FRMD6: variants seen among roughly 807,000 people sequenced by gnomAD.
FRMD6 encodes the protein FERM domain-containing protein 6.
A neutral mutation model predicts 73.2 loss-of-function variants in FRMD6; 37 were observed. That is an observed-to-expected ratio of 0.51 (90% CI 0.39 to 0.66). The LOEUF (loss-of-function observed/expected upper bound fraction) is 0.66, where lower values mean the gene tolerates loss of function less well. FRMD6 is among the 30% of genes least tolerant of loss of function. FRMD6 has a pLI of 0.00. For synonymous variants in FRMD6, 273 were observed against 282.2 expected (o/e 0.97, Z 0.33); for missense variants, 714 against 780.5 (o/e 0.91, Z 1.02).
At chr14:51,674,991 C>G (rs934404897) in intron 1 of FRMD6, among the ~76,000 whole-genome samples, 1 of 151,986 alleles carries the variant, frequency 6.6e-6, no homozygotes, top group African/African-American at 2.4e-5. Context: ...ATTGAATTGA[C>G]CTTGGTTTGT....
intron 1 of FRMD6, among the ~76,000 whole-genome samples, chr14:51,555,837 T>G (rs921446397): frequency 1.3e-5 from 2 of 151,724 alleles, no homozygotes; most frequent in African/African-American, 4.8e-5. Flanking sequence ...TGATAAGTAG[T>G]AGTGATACGT....
the FRMD6 span, among the ~76,000 whole-genome samples, chr14:51,473,033 G>A: frequency 1.3e-5 from 2 of 152,290 alleles, no homozygotes; most frequent in East Asian, 3.9e-4. Context: ...GGTATAATGA[G>A]CTCAAGTCTT....
At chr14:51,437,351 G>A in the FRMD6 span, among the ~76,000 whole-genome samples, 1,507 of 152,178 alleles carry the variant, frequency 9.9e-3, 22 homozygotes, top group Middle Eastern at 0.024. Context: ...CGCCCAAGCT[G>A]GAGTGCAGTG....
At chr14:51,480,863 C>T in the FRMD6 span, among the ~76,000 whole-genome samples, 1 of 152,184 alleles carries the variant, frequency 6.6e-6, no homozygotes, top group African/African-American at 2.4e-5. Flanking sequence ...GTAGCTGTAG[C>T]AGTGGTGGCA....
intron 1 of FRMD6, among the ~76,000 whole-genome samples, chr14:51,676,492 AC>A (rs1272750518): frequency 6.6e-6 from 1 of 151,888 alleles, no homozygotes; most frequent in South Asian, 2.1e-4. Context: ...TGGTAGTTAA[AC>A]TCTGCATAGG....
chr14:51,623,047 T>C (rs1223255428), intron 2 of FRMD6, among the ~76,000 whole-genome samples: 8 of 152,146 alleles, frequency 5.3e-5, no homozygotes, highest in Non-Finnish European at 8.8e-5. Flanking sequence ...CATGGCTTCG[T>C]CATTTGTCAT....
At chr14:51,632,100 G>T (rs1364861330) in intron 2 of FRMD6, among the ~76,000 whole-genome samples, 2 of 152,182 alleles carry the variant, frequency 1.3e-5, no homozygotes, top group East Asian at 1.9e-4. Flanking sequence ...GTTCTCAAGA[G>T]ATCTGATGGT....
At chr14:51,524,948 A>G (rs1457877862) in intron 1 of FRMD6, among the ~76,000 whole-genome samples, 1 of 79,178 alleles carries the variant, frequency 1.3e-5, no homozygotes, top group Non-Finnish European at 2.4e-5. Flanking sequence ...GTGCAGAAAG[A>G]TTTTTACTTC....
At chr14:51,562,628 G>T (rs1410669835) in intron 1 of FRMD6, among the ~76,000 whole-genome samples, 1 of 152,104 alleles carries the variant, frequency 6.6e-6, no homozygotes, top group African/African-American at 2.4e-5. Context: ...CTATACAGTG[G>T]CTAAATATCT....
In FRMD6 at chr14:51,661,935, C is replaced by T. The variant is rs190910679; in HGVS notation, c.-147+9939C>T. On this transcript the variant is annotated intron_variant, in intron 1 of 13. Transcript: ENST00000344768. ...CTTTGGAAATGGGAATGTTGGAGGC[C>T]GTGCATATCTTCAGCAGGCTTTGTC... Among the ~76,000 whole-genome samples, 486 of 152,198 alleles carry T rather than the reference C, an allele frequency of 3.2e-3. 1 individual carries two copies. Among genetic ancestry groups the T allele is most frequent in the Non-Finnish European group, 3.6e-3 (248 of 68,012 alleles).
chr14:51,452,911 G>A, the FRMD6 span, among the ~76,000 whole-genome samples: 2 of 152,136 alleles, frequency 1.3e-5, no homozygotes, highest in African/African-American at 2.4e-5. Context: ...TCTCATCATC[G>A]GTAATCTTTG....
chr14:51,400,335 T>C, the FRMD6 span, among the ~76,000 whole-genome samples: 1 of 152,162 alleles, frequency 6.6e-6, no homozygotes, highest in African/African-American at 2.4e-5. Context: ...TTTTTTTAGA[T>C]TCCACATGCA....
At position 51,727,844 on chromosome 14, in the gene FRMD6, T is replaced by C; in HGVS notation, c.1684T>C (p.Cys562Arg). The C allele has an allele frequency of 3.7e-6, 6 of 1,614,216 alleles. No homozygotes were observed. The highest frequency in any genetic ancestry group is 3.3e-5 in the South Asian group (3 of 91,082). The part of the protein sequence containing the change: ...QKDFLRIAGL[C>R]QDTAQSYTFG... ...AGACTTCCTGCGCATTGCAGGTCTGTGTCAGGACACTGCTCAGAGTTACAC... is the reference window on the plus strand; with the variant it reads ...AGACTTCCTGCGCATTGCAGGTCTGCGTCAGGACACTGCTCAGAGTTACAC... Residue 562 changes from cysteine (C) to arginine (R), a missense_variant, in exon 14 of 14, where the codon TGT becomes CGT. By Grantham distance (180) the Cys-to-Arg change is radical. Coordinates refer to ENST00000344768, the MANE Select transcript of FRMD6 (RefSeq NM_001267046.2).
intron 1 of FRMD6, among the ~76,000 whole-genome samples, chr14:51,492,859 G>A (rs558472866): frequency 4.6e-5 from 7 of 152,196 alleles, no homozygotes; most frequent in South Asian, 4.2e-4. Context: ...TGATGGAGGC[G>A]GCATGTAAAT....
chr14:51,498,231 C>T (rs186385662), intron 1 of FRMD6, among the ~76,000 whole-genome samples: 1 of 152,190 alleles, frequency 6.6e-6, no homozygotes, highest in East Asian at 1.9e-4. Context: ...GTATCAGGTA[C>T]AGTTTTTGCT....
At position 51,629,451 on chromosome 14, in the gene FRMD6, A is replaced by G. The variant is rs140075426; in HGVS notation, c.-147+59041A>G. Among the ~76,000 whole-genome samples, 459 of 152,342 alleles carry G rather than the reference A, an allele frequency of 3.0e-3. 1 individual carries two copies. Among genetic ancestry groups the G allele is most frequent in the African/African-American group, 0.01 (435 of 41,578 alleles). ...TTAAGAAACTACCAAATTGTCTTCT[A>G]AAATAAAATATATTTTACATTCCTA... On this transcript the variant is annotated intron_variant, in intron 2 of 14. Transcript: ENST00000356218.
intron 1 of FRMD6, among the ~76,000 whole-genome samples, chr14:51,533,363 A>T (rs2140340022): frequency 6.6e-6 from 1 of 152,310 alleles, no homozygotes; most frequent in South Asian, 2.1e-4. Flanking sequence ...ATTGCCTTTA[A>T]AAAAAGCTGG....
intron 1 of FRMD6, among the ~76,000 whole-genome samples, chr14:51,686,978 T>C (rs1490273225): frequency 6.6e-6 from 1 of 152,164 alleles, no homozygotes; most frequent in Non-Finnish European, 1.5e-5. Context: ...TTTAAGGGCT[T>C]TTCTAGTTTG....
At chr14:51,403,957 G>A in the FRMD6 span, among the ~76,000 whole-genome samples, 1 of 152,084 alleles carries the variant, frequency 6.6e-6, no homozygotes, top group East Asian at 1.9e-4. Flanking sequence ...CAGGACTTGT[G>A]AATCTCCAAA....
Sources: allele counts gnomAD v4.1 joint callset (sites outside exome capture counted in the v4.1 genomes callset), GRCh38; gene constraint gnomAD v4.1.1; transcripts MANE v1.5; gene names NCBI Gene and HGNC (gene_info 2026-07-23, HGNC 2026-07-21).